Variants in NAALADL2 observed in about 807,000 individuals in gnomAD.
The protein encoded by NAALADL2 is N-acetylated alpha-linked acidic dipeptidase like 2.
Under a neutral mutation model 87.2 loss-of-function variants are expected in NAALADL2, and 76 were observed. The ratio of observed to expected loss-of-function variants is 0.87; its 90% CI spans 0.72 to 1.05. The LOEUF (loss-of-function observed/expected upper bound fraction) is 1.05, where lower values mean the gene tolerates loss of function less well. Ranked by LOEUF, NAALADL2 falls within the 50% of genes least tolerant of loss-of-function variation. The pLI, the probability that NAALADL2 is intolerant of heterozygous loss-of-function variation, is 0.00. For synonymous variants in NAALADL2, 354 were observed against 331.0 expected, an observed-to-expected ratio of 1.07 and a Z score of -0.75; for missense variants, 1,089 against 945.8, an observed-to-expected ratio of 1.15 and a Z score of -1.99.
chr3:174,792,355 T>A (rs907516355), intron 3 of NAALADL2, among the ~76,000 whole-genome samples: 1 of 152,004 alleles, frequency 6.6e-6, no homozygotes, highest in African/African-American at 2.4e-5. Flanking sequence ...CTGTACTGAT[T>A]TTGTTATTTT....
intron 1 of NAALADL2, among the ~76,000 whole-genome samples, chr3:174,467,125 T>A (rs889933886): frequency 2.0e-5 from 3 of 152,192 alleles, no homozygotes; most frequent in Non-Finnish European, 4.4e-5. Flanking sequence ...TACTCATATA[T>A]TGCTAATGGG....
chr3:174,809,216 A>G (rs968568610), intron 3 of NAALADL2, among the ~76,000 whole-genome samples: 2 of 152,150 alleles, frequency 1.3e-5, no homozygotes, highest in Non-Finnish European at 2.9e-5. Context: ...CAGATATAGA[A>G]ACAGTACTGG....
At position 174,691,695 on chromosome 3, in the gene NAALADL2, A is replaced by G. The variant is rs146482274; in HGVS notation, c.-114-45946A>G. On this transcript the variant is annotated intron_variant, in intron 2 of 3. Transcript: ENST00000434257. ...TGTTGGATAGCATTTTACCCATAGT[A>G]AAATTTCTCTAAATACTGGAGTCAA... Among the ~76,000 whole-genome samples the G allele has an allele frequency of 2.5e-3, 384 of 152,352 alleles. 3 individuals carry two copies. The highest frequency in any genetic ancestry group is 8.8e-3 in the African/African-American group (364 of 41,586).
At chr3:174,534,652 C>T (rs1721559853) in intron 1 of NAALADL2, among the ~76,000 whole-genome samples, 1 of 152,170 alleles carries the variant, frequency 6.6e-6, no homozygotes, top group Admixed American at 6.5e-5. Context: ...ATCTGACTGG[C>T]TAGCTATGGC....
At chr3:175,409,100 C>A (rs1180672771) in intron 5 of NAALADL2, among the ~76,000 whole-genome samples, 1 of 151,858 alleles carries the variant, frequency 6.6e-6, no homozygotes, top group Non-Finnish European at 1.5e-5. Flanking sequence ...CTTTTTTACA[C>A]ATGGAGATTT....
chr3:174,661,541 C>CTTG (rs1725503881), intron 2 of NAALADL2, among the ~76,000 whole-genome samples: 1 of 148,770 alleles, frequency 6.7e-6, no homozygotes, highest in African/African-American at 2.6e-5. Context: ...GACACTGATG[C>CTTG]TTCTTCTTCT....
At chr3:175,342,511 T>G (rs1762671258) in intron 5 of NAALADL2, among the ~76,000 whole-genome samples, 1 of 151,732 alleles carries the variant, frequency 6.6e-6, no homozygotes, top group Admixed American at 6.6e-5. Context: ...ATTGCGTGTG[T>G]GTGTGTGTGT....
At chr3:175,512,000 G>T (rs1261339550) in intron 9 of NAALADL2, among the ~76,000 whole-genome samples, 1 of 152,146 alleles carries the variant, frequency 6.6e-6, no homozygotes, top group African/African-American at 2.4e-5. Flanking sequence ...CCAGCAATTT[G>T]GGAGGCTGAG....
At chr3:174,600,287 G>C (rs1718311337) in intron 2 of NAALADL2, among the ~76,000 whole-genome samples, 1 of 152,006 alleles carries the variant, frequency 6.6e-6, no homozygotes, top group South Asian at 2.1e-4. Context: ...TAAGTACATT[G>C]TTGGTAGTAT....
intron 7 of NAALADL2, among the ~76,000 whole-genome samples, chr3:175,464,044 C>T (rs1723599355): frequency 6.6e-6 from 1 of 152,126 alleles, no homozygotes; most frequent in Admixed American, 6.6e-5. Context: ...CCATGTTGGC[C>T]AGGCTGGTCT....
chr3:174,883,944 A>T (rs1386460750), intron 1 of NAALADL2, among the ~76,000 whole-genome samples: 2 of 152,064 alleles, frequency 1.3e-5, no homozygotes, highest in African/African-American at 4.8e-5. Context: ...TCCACTGTGG[A>T]GTAGTAGGCT....
chr3:174,627,888 G>C (rs554987148), intron 2 of NAALADL2, among the ~76,000 whole-genome samples: 2 of 152,120 alleles, frequency 1.3e-5, no homozygotes, highest in African/African-American at 2.4e-5. Flanking sequence ...CTAAACAATG[G>C]GTATGTACAG....
At chr3:174,773,845 C>G (rs1008786084) in intron 3 of NAALADL2, among the ~76,000 whole-genome samples, 1 of 151,472 alleles carries the variant, frequency 6.6e-6, no homozygotes, top group African/African-American at 2.4e-5. Context: ...TTTCTTCCCT[C>G]CTCTCAGTTC....
chr3:175,093,514 A>C (rs1400681283), intron 1 of NAALADL2, among the ~76,000 whole-genome samples: 3 of 147,612 alleles, frequency 2.0e-5, no homozygotes, highest in African/African-American at 7.4e-5. Flanking sequence ...TTTTAAGCTA[A>C]ATAATTTTAT....
chr3:174,878,399 G>A (rs1457663628), intron 1 of NAALADL2, among the ~76,000 whole-genome samples: 1 of 152,018 alleles, frequency 6.6e-6, no homozygotes, highest in Non-Finnish European at 1.5e-5. Context: ...CTGACAAAAT[G>A]TATGGCCTAG....
At chr3:175,097,324 G>C in intron 2 of NAALADL2, 33 bp downstream of exon 2, 1 of 1,570,312 alleles carries the variant, frequency 6.4e-7, no homozygotes, top group Non-Finnish European at 8.6e-7. Context: ...TTGTTTGAAT[G>C]CATTTCTTGG....
At chr3:174,599,091 A>C (rs1718198413) in intron 2 of NAALADL2, among the ~76,000 whole-genome samples, 1 of 152,146 alleles carries the variant, frequency 6.6e-6, no homozygotes, top group Admixed American at 6.5e-5. Flanking sequence ...TGCTTGTATT[A>C]AACAGCCAGA....
At chr3:174,544,631 A>G (rs140300398) in intron 1 of NAALADL2, among the ~76,000 whole-genome samples, 200 of 143,012 alleles carry the variant, frequency 1.4e-3, no homozygotes, top group Middle Eastern at 0.012. Context: ...CAGTGGTGCA[A>G]TCTTGGCTCA....
At chr3:174,499,473 G>GGTA (rs1396011722) in intron 1 of NAALADL2, among the ~76,000 whole-genome samples, 1 of 151,856 alleles carries the variant, frequency 6.6e-6, no homozygotes, top group Non-Finnish European at 1.5e-5. Context: ...GTTCCTTTAT[G>GGTA]GTATTATACT....
Sources: allele counts gnomAD v4.1 joint callset (sites outside exome capture counted in the v4.1 genomes callset), GRCh38; gene constraint gnomAD v4.1.1; transcripts MANE v1.5; gene names NCBI Gene and HGNC (gene_info 2026-07-23, HGNC 2026-07-21).